AGTPBP1: variants seen among roughly 807,000 people sequenced by gnomAD.
AGTPBP1 encodes ATP/GTP binding carboxypeptidase 1.
Under a neutral mutation model 143.9 loss-of-function variants are expected in AGTPBP1, and 70 were observed. That is an observed-to-expected ratio of 0.49 (90% CI 0.40 to 0.59). AGTPBP1 has a LOEUF of 0.59. AGTPBP1 is among the 20% of genes least tolerant of loss of function. AGTPBP1 has a pLI of 0.00. For missense variants in AGTPBP1, 1,229 were observed against 1,464.5 expected (o/e 0.84, Z 2.62); for synonymous variants, 463 against 500.2 (o/e 0.93, Z 0.99).
At chr9:85,785,598 C>A in the AGTPBP1 span, 2 of 155,274 alleles carry the variant, frequency 1.3e-5, no homozygotes, top group African/African-American at 4.8e-5. Flanking sequence ...GTGGCGCACA[C>A]CCCAGAGTAC....
At position 85,657,569 on chromosome 9, in the gene AGTPBP1, G is replaced by T. The variant is rs1462627166; in HGVS notation, c.775C>A (p.His259Asn). The stretch of plus-strand genomic sequence containing the variant: ...AGCATGTTTCTATGCCGGTTATCAT[G>T]GCGGTGCCAATCTACATAAATTGTT... ...LLTIYVDWHR[H>N]DNRHRNMLIR... Residue 259 changes from histidine (H) to asparagine (N), a missense_variant, in exon 10 of 26, where the codon CAT becomes AAT. His to Asn is a moderately conservative substitution (Grantham distance 68). Around this residue, in one of 2 missense-constraint regions of AGTPBP1, gnomAD observed 743 missense variants for 812.2 expected, o/e 0.91. Coordinates refer to ENST00000357081, the MANE Select transcript of AGTPBP1 (RefSeq NM_001330701.2). 2 of 1,613,834 alleles carry T rather than the reference G, an allele frequency of 1.2e-6. No homozygotes were observed. The highest frequency in any genetic ancestry group is 1.6e-4 in the Middle Eastern group (1 of 6,080).
rs565914315 is a variant in AGTPBP1, at chr9:85,666,581, T to C, written c.662+2904A>G. Among the ~76,000 whole-genome samples, 21 of 152,248 alleles carry C rather than the reference T, an allele frequency of 1.4e-4. No individual in the cohort carries two copies. In the South Asian group the frequency reaches 4.1e-3, roughly 30 times the overall value. ...TTTTAAAGTAGAAATAGAAAAATAA[T>C]GCATAATTCATCTTTTCTCTGATGT... On this transcript the variant is annotated intron_variant, in intron 8 of 25. Coordinates refer to ENST00000357081, the MANE Select transcript of AGTPBP1 (RefSeq NM_001330701.2).
intron 25 of AGTPBP1, among the ~76,000 whole-genome samples, chr9:85,562,116 T>C (rs190498077): frequency 5.3e-5 from 8 of 152,056 alleles, no homozygotes; most frequent in African/African-American, 1.9e-4. Flanking sequence ...ATTAAGAGTT[T>C]GATAAAGTGA....
At chr9:85,746,190 G>A (rs923138599), upstream of AGTPBP1, among the ~76,000 whole-genome samples, 11 of 151,824 alleles carry the variant, frequency 7.2e-5, no homozygotes, top group South Asian at 2.1e-4. Flanking sequence ...ATCAGACACC[G>A]CCTTCTCCAA....
chr9:85,580,111 C>T (rs1369410387), intron 23 of AGTPBP1, among the ~76,000 whole-genome samples: 5 of 151,338 alleles, frequency 3.3e-5, no homozygotes, highest in South Asian at 2.1e-4. Context: ...GGTGGCAGGC[C>T]GCTGTAATCC....
intron 14 of AGTPBP1, among the ~76,000 whole-genome samples, chr9:85,629,448 A>C (rs1278701523): frequency 6.6e-6 from 1 of 152,222 alleles, no homozygotes; most frequent in Non-Finnish European, 1.5e-5. Flanking sequence ...TCATCAGGAT[A>C]GGCTCAGTCA....
At chr9:85,673,712 A>AGGTAATAG in intron 6 of AGTPBP1, among the ~76,000 whole-genome samples, 1 of 152,290 alleles carries the variant, frequency 6.6e-6, no homozygotes, top group Non-Finnish European at 1.5e-5. Flanking sequence ...TACAATGTTC[A>AGGTAATAG]CTATTCAGGT....
chr9:85,554,741 A>G (rs570923584), intron 25 of AGTPBP1, among the ~76,000 whole-genome samples: 1 of 152,304 alleles, frequency 6.6e-6, no homozygotes, highest in East Asian at 1.9e-4. Context: ...TAGAAACAGG[A>G]AAAATATTCC....
the AGTPBP1 span, among the ~76,000 whole-genome samples, chr9:85,752,638 G>C: frequency 6.6e-6 from 1 of 152,074 alleles, no homozygotes; most frequent in Non-Finnish European, 1.5e-5. Flanking sequence ...AATTACCCTG[G>C]TCTGATCACT....
upstream of AGTPBP1, chr9:85,742,098 T>A: frequency 3.9e-6 from 4 of 1,030,852 alleles, no homozygotes. Flanking sequence ...TCCCGCCGCG[T>A]CCCTTGTTAC....
intron 3 of AGTPBP1, 83 bp downstream of exon 3, chr9:85,692,603 CATT>C: frequency 6.7e-7 from 1 of 1,501,162 alleles, no homozygotes; most frequent in Non-Finnish European, 9.0e-7. Context: ...GAAAATCATC[CATT>C]ATTAGAAGTT....
chr9:85,586,704 C>A, intron 22 of AGTPBP1, 127 bp downstream of exon 22: 12 of 1,158,184 alleles, frequency 1.0e-5, no homozygotes, highest in Admixed American at 2.6e-5. Flanking sequence ...AACATTCAAC[C>A]TTATAAAATT....
the AGTPBP1 span, among the ~76,000 whole-genome samples, chr9:85,772,167 G>A: frequency 6.7e-6 from 1 of 150,296 alleles, no homozygotes. Context: ...GTAGAGATGG[G>A]GTTTCACCAT....
intron 25 of AGTPBP1, among the ~76,000 whole-genome samples, chr9:85,574,870 G>A (rs917056215): frequency 2.0e-5 from 3 of 151,908 alleles, no homozygotes; most frequent in Non-Finnish European, 4.4e-5. Flanking sequence ...CACCATGCCC[G>A]GCTAATTCTT....
At chr9:85,677,728 C>T (rs1443098868) in intron 5 of AGTPBP1, 146 bp from the exon 6 acceptor site, 6 of 686,170 alleles carry the variant, frequency 8.7e-6, no homozygotes, top group Non-Finnish European at 1.1e-5. Flanking sequence ...TAAGGCTGGG[C>T]GCAGTAGCTC....
In AGTPBP1 at chr9:85,565,353, C is replaced by T. The variant is rs188128215; in HGVS notation, c.3503+9962G>A. 8.0e-5 allele frequency among the ~76,000 whole-genome samples: 12 copies of T among 149,478 alleles called. No individual in the cohort carries two copies. The East Asian group carries it at 1.8e-3, about 22-fold the overall frequency. On this transcript the variant is annotated intron_variant, in intron 25 of 25. Transcript: ENST00000357081. ...TTGAGGGCTAAGTTGTGGAATAACA[C>T]GATCCACACTGCAGACAGGTTGAAT...
chr9:85,625,145 A>C (rs1443552302), intron 14 of AGTPBP1, among the ~76,000 whole-genome samples: 1 of 152,238 alleles, frequency 6.6e-6, no homozygotes, highest in Non-Finnish European at 1.5e-5. Flanking sequence ...GAGATTTGTG[A>C]AATAAACATA....
chr9:85,798,057 A>G, the AGTPBP1 span, among the ~76,000 whole-genome samples: 2 of 135,598 alleles, frequency 1.5e-5, no homozygotes, highest in African/African-American at 5.4e-5. Context: ...CACATCGGCT[A>G]TTTTTTTTTT....
intron 2 of AGTPBP1, among the ~76,000 whole-genome samples, chr9:85,699,529 C>T: frequency 6.6e-6 from 1 of 151,634 alleles, no homozygotes; most frequent in Non-Finnish European, 1.5e-5. Context: ...CTACCTTTTT[C>T]ACCTTAAAAT....
Sources: gnomAD v4.1 joint callset for allele counts (sites outside exome capture counted in the v4.1 genomes callset) on GRCh38, gnomAD v4.1.1 for gene constraint, gnomAD v4.1.1 regional missense constraint, MANE v1.5 for transcripts, NCBI Gene and HGNC (gene_info 2026-07-23, HGNC 2026-07-21) for gene names.